Variants in GPC6 observed in about 807,000 individuals in gnomAD.
GPC6 encodes glypican-6.
Under a neutral mutation model 55.2 loss-of-function variants are expected in GPC6, and 14 were observed. The ratio of observed to expected loss-of-function variants is 0.25; its 90% CI spans 0.17 to 0.40. The LOEUF (loss-of-function observed/expected upper bound fraction) is 0.40, where lower values mean the gene tolerates loss of function less well. Among genes scored for constraint, GPC6 ranks in the 10% least tolerant of loss-of-function variants. The probability of loss-of-function intolerance (pLI) is 1.00; values close to 1 mark genes in which losing one functional copy is unlikely to be tolerated. For synonymous variants in GPC6, 278 were observed against 259.6 expected, an observed-to-expected ratio of 1.07 and a Z score of -0.68; for missense variants, 641 against 708.5, an observed-to-expected ratio of 0.90 and a Z score of 1.08.
At chr13:94,071,862 T>C (rs1884746212) in intron 4 of GPC6, among the ~76,000 whole-genome samples, 1 of 152,218 alleles carries the variant, frequency 6.6e-6, no homozygotes. Context: ...TTGCCAAATA[T>C]ACAAGTGTCA....
intron 3 of GPC6, among the ~76,000 whole-genome samples, chr13:93,933,961 A>ACATCC (rs1292555941): frequency 6.6e-6 from 1 of 152,202 alleles, no homozygotes; most frequent in Non-Finnish European, 1.5e-5. Context: ...AAATAGCTTC[A>ACATCC]CATCCCACAC....
At position 93,227,745 on chromosome 13, in the gene GPC6, T is replaced by C. The variant is rs768177859; in HGVS notation, c.160+129T>C. 1.4e-5 allele frequency: 10 copies of C among 691,582 alleles called. No individual in the cohort carries two copies. The highest frequency in any genetic ancestry group is 2.8e-5 in the Admixed American group (1 of 35,322). The allele number at this position is 691,582 out of a possible 1,614,324, so 42.8% of individuals were successfully genotyped here. ...TCACTTTCTGCCACCGCTATGGGAC[T>C]CCGCGTCTCCGTGTTGGGCGGCGGA... On this transcript the variant is annotated intron_variant, in intron 1 of 8. Coordinates refer to ENST00000377047, the MANE Select transcript of GPC6 (RefSeq NM_005708.5). This position sits in a 1 kb window ranked among gnomAD's most constrained non-coding sequence, Gnocchi z 4.3.
intron 1 of GPC6, among the ~76,000 whole-genome samples, chr13:93,332,330 C>T (rs1424533157): frequency 8.0e-5 from 12 of 150,858 alleles, no homozygotes; most frequent in African/African-American, 1.5e-4. Flanking sequence ...TACATTCCCA[C>T]GCAACAGTGT....
chr13:93,275,267 C>T (rs1388439226), intron 1 of GPC6, among the ~76,000 whole-genome samples: 1 of 152,134 alleles, frequency 6.6e-6, no homozygotes, highest in Non-Finnish European at 1.5e-5. Context: ...TAATTGGGTA[C>T]ATGAAATGGC....
At chr13:94,353,573 GCATA>G (rs1878655635) in intron 6 of GPC6, among the ~76,000 whole-genome samples, 2 of 147,870 alleles carry the variant, frequency 1.4e-5, no homozygotes, top group Non-Finnish European at 3.0e-5. Context: ...TGTGCGAGGA[GCATA>G]TATATATATA....
chr13:93,340,484 A>AT (rs1880216424), intron 1 of GPC6, among the ~76,000 whole-genome samples: 3 of 152,256 alleles, frequency 2.0e-5, no homozygotes. Context: ...AAAGAAAGTA[A>AT]TTTTGGATAA....
In GPC6 at chr13:93,771,532, G is replaced by A. The variant is rs553164782; in HGVS notation, c.320-58622G>A. Among the ~76,000 whole-genome samples the A allele has an allele frequency of 1.3e-4, 20 of 152,182 alleles. No individual in the cohort carries two copies. In the South Asian group the frequency reaches 3.7e-3, roughly 28 times the overall value. ...GCTTTGAGGAGTCCCAGGATTACAA[G>A]TTCTTTGTCTTGGTTCACAACAAGC... On this transcript the variant is annotated intron_variant, in intron 2 of 8. Coordinates refer to ENST00000377047, the MANE Select transcript of GPC6 (RefSeq NM_005708.5).
At chr13:94,112,583 A>G (rs1365554886) in intron 4 of GPC6, among the ~76,000 whole-genome samples, 2 of 152,184 alleles carry the variant, frequency 1.3e-5, no homozygotes, top group Middle Eastern at 3.2e-3. Flanking sequence ...CAGCCTGGAA[A>G]ATTGCATATT....
At chr13:93,542,571 G>T (rs945174210) in intron 1 of GPC6, among the ~76,000 whole-genome samples, 61 of 152,170 alleles carry the variant, frequency 4.0e-4, no homozygotes, top group Non-Finnish European at 1.0e-4. Flanking sequence ...AAAGTCATTG[G>T]TAGCTTGATG....
chr13:94,107,577 CT>C (rs35080088), intron 4 of GPC6, among the ~76,000 whole-genome samples: 64,306 of 142,766 alleles, frequency 0.45, 15,653 homozygotes, highest in Middle Eastern at 0.6. Flanking sequence ...ATTTCTTTCT[CT>C]TTTTTTTTTT....
chr13:94,366,767 G>A (rs1594210558), intron 6 of GPC6, among the ~76,000 whole-genome samples: 1 of 152,188 alleles, frequency 6.6e-6, no homozygotes, highest in African/African-American at 2.4e-5. Context: ...AAGGAGAATA[G>A]AGCTGTTCTC....
At chr13:93,601,151 C>T (rs569013615) in intron 2 of GPC6, among the ~76,000 whole-genome samples, 53 of 151,084 alleles carry the variant, frequency 3.5e-4, no homozygotes, top group African/African-American at 1.2e-3. Flanking sequence ...CACTTTGGGA[C>T]GCTGAGGCAG....
At chr13:93,665,488 G>C (rs560092014) in intron 2 of GPC6, among the ~76,000 whole-genome samples, 1 of 152,112 alleles carries the variant, frequency 6.6e-6, no homozygotes, top group Non-Finnish European at 1.5e-5. Context: ...CTGTGTGTGT[G>C]TATGTGTGTG....
intron 3 of GPC6, among the ~76,000 whole-genome samples, chr13:93,911,651 C>T (rs572564868): frequency 6.6e-6 from 1 of 152,274 alleles, no homozygotes; most frequent in African/African-American, 2.4e-5. Flanking sequence ...TCACAAAGTT[C>T]TAGATTCGGA....
intron 4 of GPC6, among the ~76,000 whole-genome samples, chr13:94,062,206 A>G (rs1008959858): frequency 2.0e-5 from 3 of 152,014 alleles, no homozygotes; most frequent in African/African-American, 7.3e-5. Context: ...TTTAGTAACT[A>G]TGTGAGATCT....
At chr13:93,545,193 A>G in intron 1 of GPC6, 70 bp from the exon 2 acceptor site, 1 of 1,317,660 alleles carries the variant, frequency 7.6e-7, no homozygotes, top group Non-Finnish European at 1.1e-6. Context: ...AAAGTGTTAG[A>G]GAAGTGAAAT....
intron 1 of GPC6, among the ~76,000 whole-genome samples, chr13:93,485,027 G>A (rs1879647764): frequency 6.6e-6 from 1 of 152,168 alleles, no homozygotes. Flanking sequence ...TATGGTAAAG[G>A]CAAAGAGGTA....
Position 94,312,684 on chromosome 13 carries a change from A to G in GPC6, c.1152+6561A>G, listed in dbSNP as rs149312999. ...GATATTTCCCACCTTCCACCCCAACACAGACACACACGAAGACACACACGC... is the reference window on the plus strand; with the variant it reads ...GATATTTCCCACCTTCCACCCCAACGCAGACACACACGAAGACACACACGC... On this transcript the variant is annotated intron_variant, in intron 6 of 8. Transcript: ENST00000377047. Among the ~76,000 whole-genome samples the G allele has an allele frequency of 2.9e-3, 434 of 151,510 alleles. 2 individuals are homozygous for G. The highest frequency in any genetic ancestry group is 9.8e-3 in the African/African-American group (405 of 41,276).
chr13:93,490,246 T>C (rs201771210), intron 1 of GPC6, among the ~76,000 whole-genome samples: 3 of 151,506 alleles, frequency 2.0e-5, no homozygotes, highest in African/African-American at 2.4e-5. Flanking sequence ...TTGTCTTTGG[T>C]TCTGTTTACC....
Sources: allele counts gnomAD v4.1 joint callset (sites outside exome capture counted in the v4.1 genomes callset), GRCh38; gene constraint gnomAD v4.1.1; non-coding constraint Gnocchi (gnomAD v3.1); transcripts MANE v1.5; gene names NCBI Gene and HGNC (gene_info 2026-07-23, HGNC 2026-07-21).